Variants in SPHKAP observed in about 807,000 individuals in gnomAD.
SPHKAP encodes A-kinase anchor protein SPHKAP.
Under a neutral mutation model 137.5 loss-of-function variants are expected in SPHKAP, and 67 were observed. The ratio of observed to expected loss-of-function variants is 0.49; its 90% CI spans 0.40 to 0.60. The LOEUF (loss-of-function observed/expected upper bound fraction) is 0.60, where lower values mean the gene tolerates loss of function less well. SPHKAP is among the 20% of genes least tolerant of loss of function. SPHKAP has a pLI of 0.00. For synonymous variants in SPHKAP, 813 were observed against 785.3 expected, an observed-to-expected ratio of 1.04 and a Z score of -0.59; for missense variants, 2,097 against 2,069.3, an observed-to-expected ratio of 1.01 and a Z score of -0.26.
At position 227,981,753 on chromosome 2, in the gene SPHKAP, T is replaced by C; in HGVS notation, c.5067A>G (p.Arg1689=). The stretch of plus-strand genomic sequence containing the variant: ...CCAAGAGCCAGTCAAAGAGACTCAG[T>C]CTCCCATCCTTCTGCTCCTCATGCA... The part of the protein sequence containing the change: ...CKMHEEQKDG[R]LSLFDWLLEL... The change falls in exon 12 of 12, where the codon AGA becomes AGG. Residue 1689 remains arginine (R), a synonymous_variant. Coordinates refer to ENST00000392056, the MANE Select transcript of SPHKAP (RefSeq NM_001142644.2). 1 of 1,613,788 alleles carries C rather than the reference T, an allele frequency of 6.2e-7. No individual in the cohort carries two copies. Among genetic ancestry groups the C allele is most frequent in the Non-Finnish European group, 8.5e-7 (1 of 1,179,776 alleles).
chr2:228,023,085 C>T lies in SPHKAP; in HGVS notation c.442-1119G>A, dbSNP rs137990293. ...TTAATTCTGTTCCGTTCTAGGGTTA[C>T]AAACCATATCCTCATTCTCCACTAC... is the stretch of plus-strand genomic sequence containing the variant. On this transcript the variant is annotated intron_variant, in intron 5 of 11. Transcript: ENST00000392056. Among the ~76,000 whole-genome samples the T allele has an allele frequency of 6.8e-4, 104 of 152,296 alleles. 1 individual carries two copies. Among genetic ancestry groups the T allele is most frequent in the Middle Eastern group, 3.4e-3 (1 of 294 alleles).
intron 8 of SPHKAP, chr2:227,994,069 C>T (rs1323740969): frequency 1.0e-6 from 1 of 985,262 alleles, no homozygotes; most frequent in African/African-American, 1.7e-5. Context: ...AACCAGTGGA[C>T]TCATGTTCTC....
chr2:228,034,348 A>G (rs1695487386), intron 3 of SPHKAP, among the ~76,000 whole-genome samples: 1 of 152,136 alleles, frequency 6.6e-6, no homozygotes, highest in Non-Finnish European at 1.5e-5. Flanking sequence ...TGAATCTCTG[A>G]GTAGAGCAAT....
At chr2:228,132,515 C>G in intron 1 of SPHKAP, 1 of 875,038 alleles carries the variant, frequency 1.1e-6, no homozygotes, top group South Asian at 5.3e-5. Flanking sequence ...AATCTGGACT[C>G]AGAATAGTAC....
intron 1 of SPHKAP, among the ~76,000 whole-genome samples, chr2:228,133,653 G>A (rs1699337573): frequency 1.3e-5 from 2 of 152,110 alleles, no homozygotes; most frequent in African/African-American, 4.8e-5. Flanking sequence ...GCAACATGTA[G>A]ATGGTTTCTC....
intron 11 of SPHKAP, among the ~76,000 whole-genome samples, chr2:227,987,998 G>A (rs1416515655): frequency 6.6e-6 from 1 of 152,132 alleles, no homozygotes; most frequent in Non-Finnish European, 1.5e-5. Flanking sequence ...TATCTAAGCT[G>A]ATGAGAAGCT....
At chr2:228,021,584 A>G in intron 6 of SPHKAP, 127 bp downstream of exon 6, 2 of 1,150,906 alleles carry the variant, frequency 1.7e-6, no homozygotes, top group Middle Eastern at 2.9e-4. Context: ...TTCCTTCCTT[A>G]AAATTCAGCA....
chr2:228,092,208 CATATATACACACAT>C (rs1354370912), intron 3 of SPHKAP, among the ~76,000 whole-genome samples: 68 of 145,232 alleles, frequency 4.7e-4, no homozygotes, highest in Non-Finnish European at 8.0e-4. Context: ...TGCATACACA[CATATATACACACAT>C]ATATACACAC....
chr2:228,064,087 A>C (rs1696747927), intron 3 of SPHKAP, among the ~76,000 whole-genome samples: 1 of 152,162 alleles, frequency 6.6e-6, no homozygotes, highest in South Asian at 2.1e-4. Context: ...AAGAACTACC[A>C]ATAGAGATTA....
intron 3 of SPHKAP, among the ~76,000 whole-genome samples, chr2:228,088,591 T>G (rs1697617408): frequency 6.6e-6 from 1 of 152,234 alleles, no homozygotes; most frequent in Admixed American, 6.5e-5. Context: ...TCTCCAAATC[T>G]CATGGTGAAA....
chr2:228,150,185 A>G (rs1056762801), intron 1 of SPHKAP, among the ~76,000 whole-genome samples: 4 of 152,180 alleles, frequency 2.6e-5, no homozygotes, highest in African/African-American at 9.7e-5. Context: ...GTTTTATAAC[A>G]ATATTATCTT....
intron 3 of SPHKAP, among the ~76,000 whole-genome samples, chr2:228,079,964 C>A (rs1404791102): frequency 6.6e-6 from 1 of 152,166 alleles, no homozygotes; most frequent in East Asian, 1.9e-4. Flanking sequence ...TATCTCACAC[C>A]ATAGACAAAA....
intron 3 of SPHKAP, among the ~76,000 whole-genome samples, chr2:228,079,527 C>T (rs1481330336): frequency 1.3e-5 from 2 of 152,132 alleles, no homozygotes; most frequent in East Asian, 3.9e-4. Context: ...TAGACCTATC[C>T]CCAGGGACTC....
intron 9 of SPHKAP, 26 bp downstream of exon 9, chr2:227,993,502 CTCACAA>C: frequency 6.4e-7 from 1 of 1,554,440 alleles, no homozygotes; most frequent in Non-Finnish European, 8.8e-7. Flanking sequence ...GAGTAGTGGT[CTCACAA>C]TCACTGCATC....
In SPHKAP at chr2:228,181,645, A is replaced by G. The variant is rs568267978; in HGVS notation, c.-47T>C. 1.9e-6 allele frequency: 3 copies of G among 1,613,990 alleles called. No individual in the cohort carries two copies. The highest frequency in any genetic ancestry group is 2.2e-5 in the East Asian group (1 of 44,844). Reference sequence around the variant, plus strand: ...GAAAGACGGAAAGTGCAGGCGAAGGATAAGTCTGTGGTGCTAGGACCCAGC... The same window carrying G: ...GAAAGACGGAAAGTGCAGGCGAAGGGTAAGTCTGTGGTGCTAGGACCCAGC... On this transcript the variant is annotated 5_prime_UTR_variant, in exon 1 of 12. Coordinates refer to ENST00000392056, the MANE Select transcript of SPHKAP (RefSeq NM_001142644.2). The surrounding 1 kb of genome is among the most constrained non-coding windows in gnomAD (Gnocchi z 4.3).
At chr2:228,063,139 G>T (rs1008101522) in intron 3 of SPHKAP, among the ~76,000 whole-genome samples, 4 of 128,606 alleles carry the variant, frequency 3.1e-5, no homozygotes, top group Non-Finnish European at 6.8e-5. Flanking sequence ...AGCATAGATA[G>T]ATCCCTATCT....
chr2:228,163,572 A>T (rs192677580), intron 1 of SPHKAP, among the ~76,000 whole-genome samples: 7 of 152,238 alleles, frequency 4.6e-5, no homozygotes, highest in Admixed American at 4.6e-4. Flanking sequence ...AAGAGGAGCA[A>T]TTGTACCTAT....
At chr2:228,049,265 C>G (rs1018086861) in intron 3 of SPHKAP, among the ~76,000 whole-genome samples, 8 of 152,256 alleles carry the variant, frequency 5.3e-5, no homozygotes, top group African/African-American at 1.9e-4. Context: ...ACATAATTAC[C>G]TTTAAAAAAT....
intron 3 of SPHKAP, among the ~76,000 whole-genome samples, chr2:228,063,166 A>ATCTGTCTGTCTGTCTGTCTG: frequency 7.0e-6 from 1 of 142,028 alleles, no homozygotes; most frequent in African/African-American, 2.9e-5. Flanking sequence ...CTATCTATCT[A>ATCTGTCTGTCTGTCTGTCTG]TCTATCTATC....
Sources: gnomAD v4.1 joint callset for allele counts (sites outside exome capture counted in the v4.1 genomes callset) on GRCh38, gnomAD v4.1.1 for gene constraint, Gnocchi (gnomAD v3.1) non-coding constraint, MANE v1.5 for transcripts, NCBI Gene and HGNC (gene_info 2026-07-23, HGNC 2026-07-21) for gene names.